The following SUCLG2 variants were observed in gnomAD, a reference collection of about 807,000 sequenced individuals.
SUCLG2 encodes succinate-CoA ligase GDP-forming subunit beta.
SUCLG2 carries 42 observed loss-of-function variants against 47.9 expected under a neutral mutation model. The observed-to-expected ratio is 0.88, with a 90% CI of 0.69 to 1.14. SUCLG2 has a LOEUF of 1.14. SUCLG2 is among the 50% of genes most tolerant of loss of function. SUCLG2 has a pLI of 0.00. For synonymous variants in SUCLG2, 195 were observed against 197.3 expected (o/e 0.99, Z 0.10); for missense variants, 571 against 525.9 (o/e 1.09, Z -0.84).
intron 9 of SUCLG2, among the ~76,000 whole-genome samples, chr3:67,440,261 C>A (rs574288673): frequency 2.0e-5 from 3 of 152,130 alleles, no homozygotes; most frequent in Non-Finnish European, 4.4e-5. Flanking sequence ...AATGTAAGAC[C>A]TAAAACCATA....
chr3:67,484,083 C>T (rs933804499), intron 9 of SUCLG2, among the ~76,000 whole-genome samples: 3 of 152,208 alleles, frequency 2.0e-5, no homozygotes, highest in Non-Finnish European at 4.4e-5. Flanking sequence ...TATCTTCTAA[C>T]ATGCTGCTTT....
intron 10 of SUCLG2, among the ~76,000 whole-genome samples, chr3:67,377,619 C>T (rs1465742569): frequency 6.6e-6 from 1 of 152,052 alleles, no homozygotes; most frequent in African/African-American, 2.4e-5. Flanking sequence ...CTGGGGCAGC[C>T]CTGGAAGTCA....
chr3:67,401,241 T>C (rs905636327), intron 9 of SUCLG2, among the ~76,000 whole-genome samples: 1 of 152,206 alleles, frequency 6.6e-6, no homozygotes. Context: ...CCTTTTTATA[T>C]GTCATGGTGC....
At chr3:67,543,095 A>G (rs1706761566) in intron 2 of SUCLG2, among the ~76,000 whole-genome samples, 1 of 152,216 alleles carries the variant, frequency 6.6e-6, no homozygotes, top group Non-Finnish European at 1.5e-5. Context: ...CAAATGCAAA[A>G]GAATGGAAAT....
intron 10 of SUCLG2, among the ~76,000 whole-genome samples, chr3:67,394,641 G>A (rs989194309): frequency 6.6e-6 from 1 of 151,836 alleles, no homozygotes; most frequent in Non-Finnish European, 1.5e-5. Context: ...AGCAAGGCAG[G>A]ACAACATTCA....
At chr3:67,369,527 C>T (rs895498517) in intron 10 of SUCLG2, among the ~76,000 whole-genome samples, 3 of 152,144 alleles carry the variant, frequency 2.0e-5, no homozygotes, top group Non-Finnish European at 2.9e-5. Flanking sequence ...CAATACTTTC[C>T]TGAGGCTGTG....
At position 67,609,547 on chromosome 3, in the gene SUCLG2, C is replaced by T. The variant is rs766719463; in HGVS notation, c.134G>A (p.Ser45Asn). The change falls in exon 2 of 11, where the codon AGC becomes AAC. Residue 45 changes from serine to asparagine, a missense_variant. Ser to Asn is a conservative substitution (Grantham distance 46). Coordinates refer to ENST00000307227, the MANE Select transcript of SUCLG2 (RefSeq NM_003848.4). The part of the protein sequence containing the change: ...RRWLNLQEYQ[S>N]KKLMSDNGVR... ...TCCGTTGTCAGACATCAGTTTCTTG[C>T]TCTGGTATTCCTGCAGGTTCAGCCA... 1.2e-6 allele frequency: 2 copies of T among 1,613,750 alleles called. No homozygotes were observed. Among genetic ancestry groups the T allele is most frequent in the African/African-American group, 1.3e-5 (1 of 74,884 alleles).
At chr3:67,431,238 C>T (rs1389832843) in intron 9 of SUCLG2, among the ~76,000 whole-genome samples, 1 of 152,152 alleles carries the variant, frequency 6.6e-6, no homozygotes, top group East Asian at 1.9e-4. Context: ...AGCAGCACAT[C>T]AAAAAGTTTA....
chr3:67,384,950 C>A (rs1044655303), intron 10 of SUCLG2, among the ~76,000 whole-genome samples: 8 of 152,226 alleles, frequency 5.3e-5, no homozygotes, highest in Non-Finnish European at 1.0e-4. Context: ...GGTAGTTCTG[C>A]CTCAGGACAG....
intron 4 of SUCLG2, among the ~76,000 whole-genome samples, chr3:67,526,982 T>C (rs1442729602): frequency 1.3e-5 from 2 of 152,156 alleles, no homozygotes; most frequent in East Asian, 3.9e-4. Context: ...ATCCATATCA[T>C]AGATTGCTAC....
chr3:67,398,562 C>T, intron 10 of SUCLG2, among the ~76,000 whole-genome samples: 1 of 151,872 alleles, frequency 6.6e-6, no homozygotes, highest in Non-Finnish European at 1.5e-5. Context: ...AACACTTTTA[C>T]ACTGTTGGTG....
chr3:67,557,450 A>C (rs960966690), intron 2 of SUCLG2, among the ~76,000 whole-genome samples: 3 of 152,166 alleles, frequency 2.0e-5, no homozygotes, highest in African/African-American at 7.2e-5. Context: ...ACTGAGCCCA[A>C]GGAGACAGAC....
chr3:67,431,046 C>A (rs1267508447), intron 9 of SUCLG2, among the ~76,000 whole-genome samples: 1 of 152,166 alleles, frequency 6.6e-6, no homozygotes, highest in Non-Finnish European at 1.5e-5. Context: ...GGTACCATTC[C>A]TTCTGAAACT....
At chr3:67,529,788 G>A (rs945597982) in intron 2 of SUCLG2, among the ~76,000 whole-genome samples, 3 of 152,138 alleles carry the variant, frequency 2.0e-5, no homozygotes, top group African/African-American at 7.2e-5. Context: ...AATATCCTGG[G>A]GGAAAGTGGT....
intron 2 of SUCLG2, among the ~76,000 whole-genome samples, chr3:67,568,680 G>A (rs577301617): frequency 1.3e-5 from 2 of 152,262 alleles, no homozygotes; most frequent in African/African-American, 2.4e-5. Flanking sequence ...GAGGTCAGGA[G>A]ATCGAGACCA....
intron 10 of SUCLG2, among the ~76,000 whole-genome samples, chr3:67,397,617 G>A (rs1702576181): frequency 6.6e-6 from 1 of 152,036 alleles, no homozygotes; most frequent in African/African-American, 2.4e-5. Context: ...TAGATTCAAT[G>A]CCATCCCCAT....
At chr3:67,540,604 G>A (rs1553657329) in intron 2 of SUCLG2, among the ~76,000 whole-genome samples, 1 of 152,204 alleles carries the variant, frequency 6.6e-6, no homozygotes, top group Non-Finnish European at 1.5e-5. Context: ...GCCAGAAGGG[G>A]CGGCTGTGGG....
At chr3:67,388,628 T>C (rs930596189) in intron 10 of SUCLG2, among the ~76,000 whole-genome samples, 12 of 152,164 alleles carry the variant, frequency 7.9e-5, no homozygotes, top group Admixed American at 5.9e-4. Context: ...GTATTATCCA[T>C]AAAGGGAACT....
intron 9 of SUCLG2, among the ~76,000 whole-genome samples, chr3:67,463,650 C>G (rs1559535883): frequency 2.0e-5 from 3 of 152,172 alleles, no homozygotes; most frequent in Non-Finnish European, 4.4e-5. Context: ...TTCCTGTTCT[C>G]TCTCAAGAGT....
Sources: gnomAD v4.1 joint callset for allele counts (sites outside exome capture counted in the v4.1 genomes callset) on GRCh38, gnomAD v4.1.1 for gene constraint, MANE v1.5 for transcripts, NCBI Gene and HGNC (gene_info 2026-07-23, HGNC 2026-07-21) for gene names.